The following EIF3K variants were observed in gnomAD, a reference collection of about 807,000 sequenced individuals.
The protein encoded by EIF3K is eIF-3 p28.
Under a neutral mutation model 34.2 loss-of-function variants are expected in EIF3K, and 27 were observed. That is an observed-to-expected ratio of 0.79 (90% CI 0.58 to 1.09). The LOEUF (loss-of-function observed/expected upper bound fraction) is 1.09, where lower values mean the gene tolerates loss of function less well. Ranked by LOEUF, EIF3K falls within the 50% of genes least tolerant of loss-of-function variation. The probability of loss-of-function intolerance (pLI) is 0.00; values close to 1 mark genes in which losing one functional copy is unlikely to be tolerated. For synonymous variants in EIF3K, 105 were observed against 105.7 expected, an observed-to-expected ratio of 0.99 and a Z score of 0.04; for missense variants, 232 against 275.4, an observed-to-expected ratio of 0.84 and a Z score of 1.11.
At chr19:38,627,429 C>CCGAGG (rs1383841793) in intron 4 of EIF3K, among the ~76,000 whole-genome samples, 2 of 151,852 alleles carry the variant, frequency 1.3e-5, no homozygotes, top group Non-Finnish European at 2.9e-5. Context: ...CTTTGGGAGG[C>CCGAGG]CGAGGCAGGT....
In EIF3K at chr19:38,624,108, A is replaced by G; in HGVS notation, c.190A>G (p.Thr64Ala). 1 of 1,614,130 alleles carries G rather than the reference A, an allele frequency of 6.2e-7. No homozygotes were observed. Among genetic ancestry groups the G allele is most frequent in the Non-Finnish European group, 8.5e-7 (1 of 1,180,030 alleles). The change falls in exon 3 of 8, where the codon ACG (threonine) becomes GCG (alanine). Residue 64 changes from threonine to alanine, a missense_variant. Transcript: ENST00000248342. ...GTTCAACCCAGCCTTCTTTCAGACC[A>G]CGGTCACCGCCCAGATCCTGCTGAA... ...YQFNPAFFQT[T>A]VTAQILLKAL...
rs570705123 is a variant in EIF3K at position 38,633,017 on chromosome 19, T to C, written c.499+339T>C. The C allele has an allele frequency of 4.7e-5, 12 of 255,810 alleles. No individual in the cohort carries two copies. In the East Asian group the frequency reaches 9.8e-4, roughly 21 times the overall value. 15.8% of individuals were successfully genotyped at this position (255,810 alleles called of 1,614,324 possible). The stretch of plus-strand genomic sequence containing the variant: ...AGGTGTCCAGTGGTGATTCCTGTCA[T>C]GAAGGAAAGCAAGACAGCTCACAGA... On this transcript the variant is annotated intron_variant, in intron 6 of 7. Transcript: ENST00000248342.
At chr19:38,635,140 C>T (rs1488811982) in intron 7 of EIF3K, 22 bp downstream of exon 7, 16 of 1,614,004 alleles carry the variant, frequency 9.9e-6, no homozygotes, top group Middle Eastern at 3.3e-4. Context: ...CCCACGGCCT[C>T]GGGCTTTGGG....
At position 38,635,060 on chromosome 19, in the gene EIF3K, C is replaced by G; in HGVS notation, c.567C>G (p.Ile189Met). ...WSADESGQIF[I>M]CSQEESIKPK... is the part of the protein sequence containing the mutation. ...CCGACGAGTCGGGGCAGATCTTCAT[C>G]TGTAGCCAAGAAGAGAGCATTAAAC... Residue 189 changes from isoleucine (I) to methionine (M), a missense_variant, in exon 7 of 8, where the codon ATC (isoleucine) becomes ATG (methionine). Physicochemically the swap from Ile to Met is conservative, Grantham distance 10. Coordinates refer to ENST00000248342, the MANE Select transcript of EIF3K (RefSeq NM_013234.4). The G allele has an allele frequency of 2.5e-6, 4 of 1,614,234 alleles. No homozygotes were observed. Among genetic ancestry groups the G allele is most frequent in the Non-Finnish European group, 3.4e-6 (4 of 1,180,052 alleles).
intron 1 of EIF3K, 33 bp from the exon 2 acceptor site, chr19:38,620,301 TCTC>T: frequency 6.3e-7 from 1 of 1,593,938 alleles, no homozygotes; most frequent in Admixed American, 1.7e-5. Context: ...TCAGCTTCTG[TCTC>T]CTCTGTGCTC....
intron 2 of EIF3K, among the ~76,000 whole-genome samples, chr19:38,622,350 G>A (rs1159116020): frequency 1.3e-5 from 2 of 152,192 alleles, no homozygotes; most frequent in East Asian, 3.8e-4. Context: ...AAATTTTAAA[G>A]CTGGGCGTCC....
Position 38,624,135 on chromosome 19 carries a change from G to A in EIF3K, c.217G>A (p.Ala73Thr). 2 of 1,614,134 alleles carry A rather than the reference G, an allele frequency of 1.2e-6. No individual in the cohort carries two copies. Among genetic ancestry groups the A allele is most frequent in the African/African-American group, 1.3e-5 (1 of 75,030 alleles). The part of the protein sequence containing the change: ...TTVTAQILLK[A>T]LTNLPHTDFT... ...GGTCACCGCCCAGATCCTGCTGAAG[G>A]CCCTCACCAACTTGCCGCACACAGA... Residue 73 changes from alanine to threonine, a missense_variant, in exon 3 of 8, where the codon GCC (alanine) becomes ACC (threonine). Physicochemically the swap from Ala to Thr is moderately conservative, Grantham distance 58. Coordinates refer to ENST00000248342, the MANE Select transcript of EIF3K (RefSeq NM_013234.4).
intron 6 of EIF3K, among the ~76,000 whole-genome samples, chr19:38,634,168 C>T (rs950186456): frequency 7.4e-6 from 1 of 135,130 alleles, no homozygotes; most frequent in African/African-American, 2.8e-5. Flanking sequence ...GGCATAATCT[C>T]GGCTCACTGC....
intron 7 of EIF3K, among the ~76,000 whole-genome samples, chr19:38,636,386 G>T (rs1976192749): frequency 6.6e-6 from 1 of 152,134 alleles, no homozygotes; most frequent in South Asian, 2.1e-4. Flanking sequence ...AGGAGGCTGA[G>T]GCAGGAGAAT....
chr19:38,626,248 C>T (rs1449713063), intron 4 of EIF3K, 146 bp downstream of exon 4: 1 of 768,002 alleles, frequency 1.3e-6, no homozygotes, highest in Admixed American at 2.2e-5. Flanking sequence ...GAATTATCAT[C>T]CTCTCGCGGA....
intron 4 of EIF3K, among the ~76,000 whole-genome samples, chr19:38,627,943 CA>C (rs1426545647): frequency 6.7e-6 from 1 of 148,412 alleles, no homozygotes; most frequent in Non-Finnish European, 1.5e-5. Context: ...CTCGCTGTGT[CA>C]CCCAGGCTGG....
chr19:38,621,057 T>C (rs987876690), intron 2 of EIF3K, among the ~76,000 whole-genome samples: 1 of 151,808 alleles, frequency 6.6e-6, no homozygotes, highest in Non-Finnish European at 1.5e-5. Context: ...TAAAAATTAA[T>C]GTAGCGGTGT....
rs371351654 is a variant in EIF3K at position 38,632,558 on chromosome 19, C to T, written c.422-43C>T. 47 of 1,613,358 alleles carry T rather than the reference C, an allele frequency of 2.9e-5. No individual in the cohort carries two copies. The African/African-American group carries it at 3.2e-4, about 11-fold the overall frequency. ...AGGGGTAGGGAGTGGCAGCCAGGTC[C>T]GGGGGGACAGCTGCTCACCGGTTTT... On this transcript the variant is annotated intron_variant, in intron 5 of 7. Coordinates refer to ENST00000248342, the MANE Select transcript of EIF3K (RefSeq NM_013234.4).
chr19:38,632,775 A>T (rs973370657), intron 6 of EIF3K, 97 bp downstream of exon 6: 3 of 1,166,118 alleles, frequency 2.6e-6, no homozygotes, highest in Non-Finnish European at 3.6e-6. Context: ...TCTGGGTCTC[A>T]TCAGGTCAGC....
chr19:38,635,435 C>G (rs1464922302), intron 7 of EIF3K: 1 of 412,834 alleles, frequency 2.4e-6, no homozygotes, highest in Non-Finnish European at 4.3e-6. Flanking sequence ...CGTTGGCCAT[C>G]TTTTATTCTT....
At chr19:38,623,051 C>T (rs942736644) in intron 2 of EIF3K, among the ~76,000 whole-genome samples, 5 of 152,200 alleles carry the variant, frequency 3.3e-5, no homozygotes, top group African/African-American at 1.2e-4. Flanking sequence ...GAACGATATA[C>T]ATCCTCCTCA....
intron 6 of EIF3K, among the ~76,000 whole-genome samples, chr19:38,634,090 CTTTT>C (rs757394196): frequency 1.6e-4 from 14 of 86,032 alleles, no homozygotes; most frequent in African/African-American, 6.8e-4. Flanking sequence ...TAAAAGCTAA[CTTTT>C]TTTTTTTTTT....
intron 4 of EIF3K, among the ~76,000 whole-genome samples, chr19:38,629,035 T>C (rs1251081792): frequency 6.6e-6 from 1 of 152,158 alleles, no homozygotes; most frequent in Non-Finnish European, 1.5e-5. Context: ...ACCCTGACAT[T>C]TTATGTGCAG....
intron 4 of EIF3K, among the ~76,000 whole-genome samples, chr19:38,627,806 C>T (rs1490784773): frequency 1.3e-5 from 2 of 152,042 alleles, no homozygotes; most frequent in South Asian, 4.1e-4. Flanking sequence ...CTCTCTTGGC[C>T]AGCTATCTTG....
Sources: gnomAD v4.1 joint callset for allele counts (sites outside exome capture counted in the v4.1 genomes callset) on GRCh38, gnomAD v4.1.1 for gene constraint, MANE v1.5 for transcripts, NCBI Gene and HGNC (gene_info 2026-07-23, HGNC 2026-07-21) for gene names.